ARHGAP28: variants seen among roughly 807,000 people sequenced by gnomAD.
ARHGAP28 encodes rho GTPase-activating protein 28.
A neutral mutation model predicts 90.7 loss-of-function variants in ARHGAP28; 56 were observed. That is an observed-to-expected ratio of 0.62 (90% CI 0.50 to 0.77). The LOEUF is 0.77. ARHGAP28 is among the 30% of genes least tolerant of loss of function. The probability of loss-of-function intolerance (pLI) is 0.00; values close to 1 mark genes in which losing one functional copy is unlikely to be tolerated. For synonymous variants in ARHGAP28, 308 were observed against 323.3 expected (o/e 0.95, Z 0.51); for missense variants, 869 against 900.9 (o/e 0.96, Z 0.45).
intron 2 of ARHGAP28, among the ~76,000 whole-genome samples, chr18:6,825,910 T>A (rs1027091606): frequency 6.6e-6 from 1 of 152,242 alleles, no homozygotes; most frequent in Non-Finnish European, 1.5e-5. Flanking sequence ...AGCTTGGCGA[T>A]GAACATACAA....
intron 1 of ARHGAP28, among the ~76,000 whole-genome samples, chr18:6,740,445 A>G (rs573307644): frequency 6.6e-6 from 1 of 152,254 alleles, no homozygotes; most frequent in South Asian, 2.1e-4. Flanking sequence ...GATGATGCCA[A>G]CCTCAGATGA....
At chr18:6,833,484 C>T (rs1437826246) in intron 2 of ARHGAP28, among the ~76,000 whole-genome samples, 1 of 151,674 alleles carries the variant, frequency 6.6e-6, no homozygotes, top group Non-Finnish European at 1.5e-5. Context: ...GGAACAGTTT[C>T]TTAGCCTTTC....
chr18:6,840,666 C>T (rs2056800206), intron 3 of ARHGAP28, among the ~76,000 whole-genome samples: 2 of 152,138 alleles, frequency 1.3e-5, no homozygotes, highest in Admixed American at 1.3e-4. Flanking sequence ...GTCTGCCTTC[C>T]TCTCTTTCCT....
At chr18:6,792,318 G>A (rs1208111216) in intron 1 of ARHGAP28, among the ~76,000 whole-genome samples, 1 of 152,146 alleles carries the variant, frequency 6.6e-6, no homozygotes, top group Non-Finnish European at 1.5e-5. Context: ...CATCAGTTAT[G>A]CTCAATGAAT....
intron 10 of ARHGAP28, among the ~76,000 whole-genome samples, chr18:6,878,353 G>A (rs192023143): frequency 8.1e-6 from 1 of 122,982 alleles, no homozygotes; most frequent in African/African-American, 3.1e-5. Context: ...TGTGGGGTGG[G>A]GGGAGGGGGG....
At chr18:6,791,428 A>G (rs749263659) in intron 1 of ARHGAP28, 3 of 152,232 alleles carry the variant, frequency 2.0e-5, no homozygotes, top group African/African-American at 4.8e-5. Flanking sequence ...GTATCCTTCA[A>G]TCCAATTAAG....
At chr18:6,841,644 T>C (rs1204178241) in intron 3 of ARHGAP28, among the ~76,000 whole-genome samples, 1 of 152,126 alleles carries the variant, frequency 6.6e-6, no homozygotes, top group Non-Finnish European at 1.5e-5. Flanking sequence ...ACTTCAGAGT[T>C]TGTAAGATAT....
At chr18:6,830,114 G>A (rs1244975748) in intron 2 of ARHGAP28, among the ~76,000 whole-genome samples, 1 of 151,664 alleles carries the variant, frequency 6.6e-6, no homozygotes, top group Non-Finnish European at 1.5e-5. Flanking sequence ...TTGGATTAAG[G>A]GCCCACCCTA....
At chr18:6,758,925 G>A (rs1190446689) in intron 1 of ARHGAP28, among the ~76,000 whole-genome samples, 3 of 152,110 alleles carry the variant, frequency 2.0e-5, no homozygotes, top group Admixed American at 6.5e-5. Flanking sequence ...AAATAATGTG[G>A]AACTTGTTGC....
intron 1 of ARHGAP28, among the ~76,000 whole-genome samples, chr18:6,802,974 TTA>T (rs2056493031): frequency 6.6e-6 from 1 of 152,130 alleles, no homozygotes; most frequent in Admixed American, 6.5e-5. Flanking sequence ...TGTATTAATT[TTA>T]GTTTCTTTTA....
At chr18:6,831,471 G>GTTTTTTTTTTTTTTTCTTTTT (rs2056714475) in intron 2 of ARHGAP28, among the ~76,000 whole-genome samples, 1 of 109,306 alleles carries the variant, frequency 9.1e-6, no homozygotes, top group African/African-American at 3.5e-5. Flanking sequence ...GTATCTTGAT[G>GTTTTTTTTTTTTTTTCTTTTT]TTTTTTTTTT....
chr18:6,897,941 A>G (rs552537336), intron 16 of ARHGAP28: 1 of 152,388 alleles, frequency 6.6e-6, no homozygotes, highest in Admixed American at 6.5e-5. Flanking sequence ...AAATCTGAAT[A>G]AGATAGGTAG....
intron 3 of ARHGAP28, among the ~76,000 whole-genome samples, chr18:6,850,450 T>C (rs1048036050): frequency 1.3e-5 from 2 of 152,230 alleles, no homozygotes; most frequent in African/African-American, 4.8e-5. Flanking sequence ...AACAAGAGGC[T>C]TAAGGAGAAA....
In ARHGAP28 at chr18:6,887,343, T is replaced by G. The variant is rs2143693857; in HGVS notation, c.1536+104T>G. ...GGAGATGACAGCTCACTGAGCCACC[T>G]GAGCATGCTGCAAACACACGGCCTT... is the stretch of plus-strand genomic sequence containing the variant. On this transcript the variant is annotated intron_variant, in intron 12 of 17. Coordinates refer to ENST00000383472, the MANE Select transcript of ARHGAP28 (RefSeq NM_001366230.1). The G allele has an allele frequency of 5.0e-6, 5 of 994,112 alleles. No individual in the cohort carries two copies. In the South Asian group the frequency reaches 6.8e-5, roughly 14 times the overall value. 61.6% of individuals were successfully genotyped at this position (994,112 alleles called of 1,614,324 possible).
intron 4 of ARHGAP28, among the ~76,000 whole-genome samples, chr18:6,855,790 C>T (rs1299991772): frequency 6.6e-6 from 1 of 152,220 alleles, no homozygotes; most frequent in African/African-American, 2.4e-5. Context: ...CCACCGCATT[C>T]CCTGGTGCCC....
In ARHGAP28 at chr18:6,870,670, G is replaced by A. The variant is rs374298701; in HGVS notation, c.892G>A (p.Glu298Lys). ...AGTGTCTTATTCAGAAATGGTTACGGAGGCTCTAAAAAGAAATAAACTTAA... is the reference window on the plus strand; with the variant it reads ...AGTGTCTTATTCAGAAATGGTTACGAAGGCTCTAAAAAGAAATAAACTTAA... ...FEVSYSEMVTEALKRNKLKKS... is the reference protein window; with the variant it reads ...FEVSYSEMVTKALKRNKLKKS... Residue 298 changes from glutamate (E) to lysine (K), a missense_variant, in exon 7 of 18, where the codon GAG becomes AAG. Coordinates refer to ENST00000383472, the MANE Select transcript of ARHGAP28 (RefSeq NM_001366230.1). 1 of 1,612,262 alleles carries A rather than the reference G, an allele frequency of 6.2e-7. No individual in the cohort carries two copies. Among genetic ancestry groups the A allele is most frequent in the Non-Finnish European group, 8.5e-7 (1 of 1,178,874 alleles).
At chr18:6,806,956 A>G (rs559984862) in intron 1 of ARHGAP28, among the ~76,000 whole-genome samples, 2 of 152,304 alleles carry the variant, frequency 1.3e-5, no homozygotes, top group Non-Finnish European at 2.9e-5. Flanking sequence ...TGACAAAAAC[A>G]TCTGCTGGCG....
At chr18:6,730,236 T>TATATATATATATATATATACAC (rs767639864) in intron 1 of ARHGAP28, 2 of 198,688 alleles carry the variant, frequency 1.0e-5, no homozygotes, top group African/African-American at 4.9e-5. Context: ...TATATATATA[T>TATATATATATATATATATACAC]ACCTCATTTC....
At chr18:6,870,457 CT>C in intron 6 of ARHGAP28, 132 bp from the exon 7 acceptor site, 2 of 901,862 alleles carry the variant, frequency 2.2e-6, no homozygotes, top group Non-Finnish European at 3.4e-6. Flanking sequence ...GAGTCTGCTG[CT>C]TTTCCTCGCA....
Sources: allele counts gnomAD v4.1 joint callset (sites outside exome capture counted in the v4.1 genomes callset), GRCh38; gene constraint gnomAD v4.1.1; transcripts MANE v1.5; gene names NCBI Gene and HGNC (gene_info 2026-07-23, HGNC 2026-07-21).